HS6ST3: variants seen among roughly 807,000 people sequenced by gnomAD.
The protein encoded by HS6ST3 is heparan-sulfate 6-O-sulfotransferase 3.
HS6ST3 carries 12 observed loss-of-function variants against 36.7 expected under a neutral mutation model. The ratio of observed to expected loss-of-function variants is 0.33; its 90% CI spans 0.21 to 0.53. HS6ST3 has a LOEUF of 0.53. HS6ST3 is among the 20% of genes least tolerant of loss of function. The pLI, the probability that HS6ST3 is intolerant of heterozygous loss-of-function variation, is 0.95. For missense variants in HS6ST3, 584 were observed against 640.9 expected (o/e 0.91, Z 0.96); for synonymous variants, 240 against 257.5 (o/e 0.93, Z 0.65).
intron 1 of HS6ST3, among the ~76,000 whole-genome samples, chr13:96,292,493 T>C (rs1315117747): frequency 1.3e-5 from 2 of 152,146 alleles, no homozygotes; most frequent in Non-Finnish European, 2.9e-5. Flanking sequence ...AAGTGGTATT[T>C]TGTTATTCAG....
At chr13:96,728,918 GA>G (rs1187015538) in intron 1 of HS6ST3, among the ~76,000 whole-genome samples, 2 of 152,140 alleles carry the variant, frequency 1.3e-5, no homozygotes, top group African/African-American at 4.8e-5. Flanking sequence ...AGAGAGAGTG[GA>G]AGAGCCAGAA....
chr13:96,277,734 T>G (rs2054755257), intron 1 of HS6ST3, among the ~76,000 whole-genome samples: 1 of 152,158 alleles, frequency 6.6e-6, no homozygotes, highest in Non-Finnish European at 1.5e-5. Flanking sequence ...TGAAAAAGCA[T>G]GAATAAAGGC....
At chr13:96,453,715 A>C (rs1451126949) in intron 1 of HS6ST3, among the ~76,000 whole-genome samples, 2 of 152,204 alleles carry the variant, frequency 1.3e-5, no homozygotes, top group African/African-American at 4.8e-5. Flanking sequence ...AAAGCTTCAA[A>C]GTCACCATAC....
intron 1 of HS6ST3, among the ~76,000 whole-genome samples, chr13:96,689,548 T>C (rs1874878942): frequency 6.6e-6 from 1 of 151,900 alleles, no homozygotes; most frequent in African/African-American, 2.4e-5. Context: ...AATGTGTTAA[T>C]TGGTTGCTTA....
At chr13:96,139,633 G>A (rs1047576157) in intron 1 of HS6ST3, among the ~76,000 whole-genome samples, 2 of 150,266 alleles carry the variant, frequency 1.3e-5, no homozygotes, top group African/African-American at 4.9e-5. Flanking sequence ...TATAATTCAT[G>A]GTGAAGTGTA....
chr13:96,353,252 T>G (rs1253539688), intron 1 of HS6ST3, among the ~76,000 whole-genome samples: 1 of 151,942 alleles, frequency 6.6e-6, no homozygotes, highest in East Asian at 1.9e-4. Flanking sequence ...CAGGATGGTC[T>G]TGATCTCTTG....
At chr13:96,451,008 G>T (rs961964473) in intron 1 of HS6ST3, among the ~76,000 whole-genome samples, 3 of 152,080 alleles carry the variant, frequency 2.0e-5, no homozygotes, top group African/African-American at 7.2e-5. Context: ...AGCAGATTTA[G>T]TCTCTCATGA....
At position 96,834,126 on chromosome 13, in the gene HS6ST3, T is replaced by C. The variant is rs1878870181; in HGVS notation, c.*928T>C. On this transcript the variant is annotated 3_prime_UTR_variant, in exon 2 of 2. Coordinates refer to ENST00000376705, the MANE Select transcript of HS6ST3 (RefSeq NM_153456.4). ...AGGAATATTTCAGAGTTTAATCTTT[T>C]TGGAGAAGTTATGTTCTTTAATCGG... 6.6e-6 allele frequency: 1 copy of C among 152,208 alleles called. No homozygotes were observed. The allele number at this position is 152,208 out of a possible 1,614,324, so 9.4% of individuals were successfully genotyped here.
intron 1 of HS6ST3, among the ~76,000 whole-genome samples, chr13:96,701,065 C>A (rs1875272999): frequency 6.6e-6 from 1 of 152,046 alleles, no homozygotes; most frequent in African/African-American, 2.4e-5. Context: ...GCATATTAAG[C>A]AGAACAATTT....
chr13:96,108,057 G>T (rs2053850121), intron 1 of HS6ST3, among the ~76,000 whole-genome samples: 1 of 152,200 alleles, frequency 6.6e-6, no homozygotes, highest in African/African-American at 2.4e-5. Flanking sequence ...TGACTGCCTG[G>T]GAGCCGGGCA....
chr13:96,304,809 C>T, intron 1 of HS6ST3, among the ~76,000 whole-genome samples: 1 of 149,042 alleles, frequency 6.7e-6, no homozygotes, highest in Non-Finnish European at 1.5e-5. Context: ...TTCCCGGGTT[C>T]AAGCAATTCT....
chr13:96,385,320 C>T (rs184875318), intron 1 of HS6ST3, among the ~76,000 whole-genome samples: 107 of 152,280 alleles, frequency 7.0e-4, no homozygotes, highest in African/African-American at 2.5e-3. Context: ...AAGCCTCCCT[C>T]TGCAGCTATT....
intron 1 of HS6ST3, among the ~76,000 whole-genome samples, chr13:96,697,146 T>TTATA (rs201888715): frequency 6.6e-6 from 1 of 151,284 alleles, no homozygotes; most frequent in African/African-American, 2.4e-5. Flanking sequence ...CATGGAGATT[T>TTATA]TATATATATA....
Position 96,836,365 on chromosome 13 carries a change from A to T in HS6ST3, c.*3167A>T, listed in dbSNP as rs142819147. On this transcript the variant is annotated 3_prime_UTR_variant, in exon 2 of 2. Coordinates refer to ENST00000376705, the MANE Select transcript of HS6ST3 (RefSeq NM_153456.4). ...TGTGTGTGTTTTATTAAGGACTAAG[A>T]TACACACTTATCTATTCTGTCTCCT... is the stretch of plus-strand genomic sequence containing the variant. The T allele has an allele frequency of 1.3e-5, 2 of 152,094 alleles. No individual in the cohort carries two copies. Among genetic ancestry groups the T allele is most frequent in the Non-Finnish European group, 2.9e-5 (2 of 68,014 alleles). The allele number at this position is 152,094 out of a possible 1,614,324, so 9.4% of individuals were successfully genotyped here. A position where few individuals can be genotyped will look rare whatever the true frequency, so the allele number is the denominator to read the frequency against.
Position 96,833,227 on chromosome 13 carries a change from G to A in HS6ST3, c.*29G>A. On this transcript the variant is annotated 3_prime_UTR_variant, in exon 2 of 2. Coordinates refer to ENST00000376705, the MANE Select transcript of HS6ST3 (RefSeq NM_153456.4). ...CCTGCCCTCTCCTCTCTCAGGAGGG[G>A]GAGGGTGAGCAGGCACATTGACTTT... 1 of 1,469,904 alleles carries A rather than the reference G, an allele frequency of 6.8e-7. No homozygotes were observed. The highest frequency in any genetic ancestry group is 1.8e-4 in the Middle Eastern group (1 of 5,592). The allele number at this position is 1,469,904 out of a possible 1,614,324, so 91.1% of individuals were successfully genotyped here.
chr13:96,332,839 A>G (rs1275302622), intron 1 of HS6ST3, among the ~76,000 whole-genome samples: 1 of 152,232 alleles, frequency 6.6e-6, no homozygotes, highest in East Asian at 1.9e-4. Context: ...CCCCAAATTC[A>G]TATGTTGAAA....
chr13:96,254,994 A>G (rs2054630030), intron 1 of HS6ST3, among the ~76,000 whole-genome samples: 2 of 152,230 alleles, frequency 1.3e-5, no homozygotes, highest in South Asian at 4.1e-4. Context: ...ACCATTTGTA[A>G]AATGAACGCG....
In HS6ST3 at chr13:96,385,180, C is replaced by CAA. The variant is rs11317656; in HGVS notation, c.707+293625_707+293626dup. Among the ~76,000 whole-genome samples, 330 of 129,142 alleles carry CAA rather than the reference C, an allele frequency of 2.6e-3. 4 individuals are homozygous for CAA. Among genetic ancestry groups the CAA allele is most frequent in the South Asian group, 3.9e-3 (15 of 3,886 alleles). The allele number at this position is 129,142 out of a possible 152,430, so 84.7% of individuals were successfully genotyped here. On this transcript the variant is annotated intron_variant, in intron 1 of 1. Coordinates refer to ENST00000376705, the MANE Select transcript of HS6ST3 (RefSeq NM_153456.4). ...GGCAACAAGAGCAGAACTCTGTATC[C>CAA]AAAAAAAAAAAAAAAGAAAAGATTT...
At chr13:96,823,056 C>T (rs1478732077) in intron 1 of HS6ST3, among the ~76,000 whole-genome samples, 1 of 152,208 alleles carries the variant, frequency 6.6e-6, no homozygotes, top group African/African-American at 2.4e-5. Context: ...CTTCCTCTTC[C>T]AGCCAGGAGG....
Sources: allele counts gnomAD v4.1 joint callset (sites outside exome capture counted in the v4.1 genomes callset), GRCh38; gene constraint gnomAD v4.1.1; transcripts MANE v1.5; gene names NCBI Gene and HGNC (gene_info 2026-07-23, HGNC 2026-07-21).